Variants in ADCYAP1R1 observed in about 807,000 individuals in gnomAD.
The protein encoded by ADCYAP1R1 is pituitary adenylate cyclase-activating polypeptide type I receptor.
Under a neutral mutation model 67.6 loss-of-function variants are expected in ADCYAP1R1, and 44 were observed. The observed-to-expected ratio is 0.65, with a 90% confidence interval of 0.51 to 0.84. The LOEUF is 0.84. Ranked by LOEUF, ADCYAP1R1 falls within the 40% of genes least tolerant of loss-of-function variation. The pLI, the probability that ADCYAP1R1 is intolerant of heterozygous loss-of-function variation, is 0.00. For synonymous variants in ADCYAP1R1, 222 were observed against 219.6 expected (o/e 1.01, Z -0.10); for missense variants, 477 against 587.9 (o/e 0.81, Z 1.95).
At position 31,085,305 on chromosome 7, in the gene ADCYAP1R1, T is replaced by C. The variant is rs930858605; in HGVS notation, c.537-5T>C. On this transcript the variant is annotated splice_region_variant and splice_polypyrimidine_tract_variant and intron_variant, in intron 8 of 15. Transcript: ENST00000304166. ...GCTTCTTTCTCCCCTGGCCCACTCA[T>C]GTAGGAAGCTGCACTGCACACGCAA... The C allele has an allele frequency of 5.0e-6, 8 of 1,612,764 alleles. No homozygotes were observed. The highest frequency in any genetic ancestry group is 1.7e-5 in the Admixed American group (1 of 59,940).
intron 15 of ADCYAP1R1, among the ~76,000 whole-genome samples, chr7:31,105,624 A>G (rs1796610577): frequency 6.6e-6 from 1 of 152,186 alleles, no homozygotes; most frequent in African/African-American, 2.4e-5. Context: ...TAGCTGCATC[A>G]CCTTGGCAGG....
intron 15 of ADCYAP1R1, 125 bp from the exon 16 acceptor site, chr7:31,106,371 A>T (rs1484188252): frequency 2.5e-6 from 3 of 1,190,556 alleles, no homozygotes; most frequent in Non-Finnish European, 3.4e-6. Context: ...GCAGGCTGCA[A>T]CTGGGGAGTG....
intron 3 of ADCYAP1R1, among the ~76,000 whole-genome samples, chr7:31,067,573 A>C (rs1794790330): frequency 6.6e-6 from 1 of 152,186 alleles, no homozygotes; most frequent in South Asian, 2.1e-4. Context: ...GAACTGAGGC[A>C]CAAGGAGGTA....
intron 13 of ADCYAP1R1, among the ~76,000 whole-genome samples, chr7:31,101,697 T>G (rs943761267): frequency 3.3e-5 from 5 of 152,198 alleles, no homozygotes; most frequent in Admixed American, 1.3e-4. Flanking sequence ...ATGCTGAGGC[T>G]CTCAAAGTAG....
intron 4 of ADCYAP1R1, 140 bp downstream of exon 4, chr7:31,078,238 G>A (rs1305955496): frequency 8.1e-6 from 5 of 618,568 alleles, no homozygotes; most frequent in Non-Finnish European, 1.4e-5. Context: ...TGTGGGGGAT[G>A]AAACCACAGA....
intron 3 of ADCYAP1R1, among the ~76,000 whole-genome samples, chr7:31,074,555 G>A (rs1273375647): frequency 6.6e-6 from 1 of 152,224 alleles, no homozygotes; most frequent in Admixed American, 6.5e-5. Context: ...GTGTCAGCTG[G>A]CAGCAGCAGC....
At chr7:31,068,210 C>T (rs971087494) in intron 3 of ADCYAP1R1, among the ~76,000 whole-genome samples, 10 of 140,222 alleles carry the variant, frequency 7.1e-5, no homozygotes, top group South Asian at 6.6e-4. Context: ...CACGCATGTG[C>T]GCGCGCACAC....
intron 12 of ADCYAP1R1, among the ~76,000 whole-genome samples, chr7:31,091,420 G>C (rs113568650): frequency 0.042 from 6,322 of 152,138 alleles, 437 homozygotes; most frequent in African/African-American, 0.15. Flanking sequence ...AGTTTAATTA[G>C]GTCCCACTTG....
At chr7:31,053,116 G>A (rs939325985) in intron 1 of ADCYAP1R1, among the ~76,000 whole-genome samples, 1 of 152,184 alleles carries the variant, frequency 6.6e-6, no homozygotes, top group Non-Finnish European at 1.5e-5. Flanking sequence ...GGAAGGCAGG[G>A]CTGGAGGGTC....
At chr7:31,085,519 AT>A (rs3214344) in intron 9 of ADCYAP1R1, 77 bp downstream of exon 9, 49,834 of 1,499,504 alleles carry the variant, frequency 0.033, 1,057 homozygotes, top group East Asian at 0.092. Context: ...CAGGACGCAC[AT>A]TACCTGCCTG....
At position 31,086,303 on chromosome 7, in the gene ADCYAP1R1, A is replaced by G. The variant is rs1795739620; in HGVS notation, c.670-81A>G. 4.8e-6 allele frequency: 7 copies of G among 1,457,400 alleles called. No individual in the cohort carries two copies. Among genetic ancestry groups the G allele is most frequent in the Middle Eastern group, 2.4e-4 (1 of 4,098 alleles). The allele number at this position is 1,457,400 out of a possible 1,614,324, so 90.3% of individuals were successfully genotyped here. On this transcript the variant is annotated intron_variant, in intron 9 of 15. Transcript: ENST00000304166. This position sits in a 1 kb window ranked among gnomAD's most constrained non-coding sequence, Gnocchi z 5.0. ...TGGGATGTTTGAACCTGAGCATGCC[A>G]GAGCCAACGGGCCCTAGGATTCTCC...
intron 12 of ADCYAP1R1, among the ~76,000 whole-genome samples, chr7:31,088,814 G>T (rs1259949809): frequency 6.6e-6 from 1 of 151,956 alleles, no homozygotes; most frequent in Non-Finnish European, 1.5e-5. Flanking sequence ...TTATTCTTTT[G>T]TTTTCTTCAG....
chr7:31,111,115 C>A lies in ADCYAP1R1; in HGVS notation c.*4431C>A, dbSNP rs1245656108. On this transcript the variant is annotated 3_prime_UTR_variant, in exon 16 of 16. Coordinates refer to ENST00000304166, the MANE Select transcript of ADCYAP1R1 (RefSeq NM_001118.5). ...TTCCATATGGGTGATAGCAGCCATG[C>A]CCCTGGGAGTCAACTTCAAGGATCT... 2 of 152,186 alleles carry A rather than the reference C, an allele frequency of 1.3e-5. No homozygotes were observed. Among genetic ancestry groups the A allele is most frequent in the Non-Finnish European group, 2.9e-5 (2 of 68,046 alleles). The allele number at this position is 152,186 out of a possible 1,614,324, so 9.4% of individuals were successfully genotyped here.
intron 13 of ADCYAP1R1, among the ~76,000 whole-genome samples, chr7:31,094,579 G>A (rs761456450): frequency 2.9e-4 from 44 of 151,924 alleles, no homozygotes; most frequent in Non-Finnish European, 4.0e-4. Flanking sequence ...CTCTTCTCTG[G>A]GGGGGTCCTC....
At chr7:31,074,464 C>T (rs1329807043) in intron 3 of ADCYAP1R1, among the ~76,000 whole-genome samples, 2 of 152,204 alleles carry the variant, frequency 1.3e-5, no homozygotes, top group African/African-American at 2.4e-5. Context: ...TTGTGCCACC[C>T]GCCCGACCTC....
chr7:31,095,789 C>T (rs1383094611), intron 13 of ADCYAP1R1: 5 of 716,090 alleles, frequency 7.0e-6, no homozygotes, highest in South Asian at 1.5e-5. Context: ...AAGGGTTTGT[C>T]CTCCATAGAC....
chr7:31,089,557 G>A (rs769267055), intron 12 of ADCYAP1R1, among the ~76,000 whole-genome samples: 8 of 151,866 alleles, frequency 5.3e-5, no homozygotes, highest in Admixed American at 5.2e-4. Flanking sequence ...TATGAGCAGT[G>A]CCGCAATGAA....
rs1796477113 is a variant in ADCYAP1R1 at position 31,102,437 on chromosome 7, G to T, written c.1047-800G>T. Among the ~76,000 whole-genome samples, 1 of 152,232 alleles carries T rather than the reference G, an allele frequency of 6.6e-6. No homozygotes were observed. The highest frequency in any genetic ancestry group is 2.1e-4 in the South Asian group (1 of 4,832). On this transcript the variant is annotated intron_variant, in intron 13 of 15. Transcript: ENST00000304166. This position sits in a 1 kb window ranked among gnomAD's most constrained non-coding sequence, Gnocchi z 4.3. ...TGCACATGGTCCAGGTGTCCTAGCTGTGGGCTTCTGTGGCCCTGTGGCTTC... is the reference window on the plus strand; with the variant it reads ...TGCACATGGTCCAGGTGTCCTAGCTTTGGGCTTCTGTGGCCCTGTGGCTTC...
intron 1 of ADCYAP1R1, among the ~76,000 whole-genome samples, chr7:31,060,026 T>G (rs541531998): frequency 1.3e-5 from 2 of 149,512 alleles, no homozygotes. Context: ...CTATTGAGAG[T>G]GCCCCAGCTC....
Sources: gnomAD v4.1 joint callset for allele counts (sites outside exome capture counted in the v4.1 genomes callset) on GRCh38, gnomAD v4.1.1 for gene constraint, Gnocchi (gnomAD v3.1) non-coding constraint, MANE v1.5 for transcripts, NCBI Gene and HGNC (gene_info 2026-07-23, HGNC 2026-07-21) for gene names.